The following CCDC85A variants were observed in gnomAD, a reference collection of about 807,000 sequenced individuals.
The protein encoded by CCDC85A is coiled-coil domain containing 85A, also known as coiled-coil domain-containing protein 85A.
A neutral mutation model predicts 50.2 loss-of-function variants in CCDC85A; 38 were observed. That is an observed-to-expected ratio of 0.76 (90% CI 0.58 to 0.99). The LOEUF (loss-of-function observed/expected upper bound fraction) is 0.99. CCDC85A is among the 50% of genes least tolerant of loss of function. CCDC85A has a pLI of 0.00. For missense variants in CCDC85A, 820 were observed against 742.0 expected, an observed-to-expected ratio of 1.11 and a Z score of -1.22; for synonymous variants, 366 against 301.4, an observed-to-expected ratio of 1.21 and a Z score of -2.22.
intron 2 of CCDC85A, among the ~76,000 whole-genome samples, chr2:56,260,393 T>C (rs1670168044): frequency 6.6e-6 from 1 of 152,198 alleles, no homozygotes; most frequent in Non-Finnish European, 1.5e-5. Context: ...AGTGTTCTTT[T>C]CAAGAAGATG....
chr2:56,279,400 T>G (rs187410561), intron 2 of CCDC85A, among the ~76,000 whole-genome samples: 2 of 152,208 alleles, frequency 1.3e-5, no homozygotes, highest in East Asian at 3.9e-4. Flanking sequence ...CCATAACCAT[T>G]AATAGTCATT....
rs75743618 is a variant in CCDC85A, at chr2:56,193,161, C to T, written c.961C>T (p.Arg321Trp). ...GAGCCCGGAACACTTCCAGAAGCAC[C>T]GGTCAGGGAGCAGCCCTGAACACGC... ...SGSPEHFQKH[R>W]SGSSPEHARH... is the part of the protein sequence containing the mutation. The change falls in exon 2 of 6, where the codon CGG becomes TGG. Residue 321 changes from arginine to tryptophan, a missense_variant. Coordinates refer to ENST00000407595, the MANE Select transcript of CCDC85A (RefSeq NM_001080433.2). 110,381 of 1,613,434 alleles carry T rather than the reference C, an allele frequency of 0.068. 4,377 individuals carry two copies. Among genetic ancestry groups the T allele is most frequent in the East Asian group, 0.17 (7,824 of 44,828 alleles).
Position 56,192,450 on chromosome 2 carries a change from C to T in CCDC85A, c.277-27C>T. On this transcript the variant is annotated intron_variant, in intron 1 of 5. Coordinates refer to ENST00000407595, the MANE Select transcript of CCDC85A (RefSeq NM_001080433.2). The surrounding 1 kb of genome is among the most constrained non-coding windows in gnomAD (Gnocchi z 4.7). ...GCTGACACCTCAGATGTGTACTTCCCTTGAATGGTTGTGTCTCTCTTTTCA... is the reference window on the plus strand; with the variant it reads ...GCTGACACCTCAGATGTGTACTTCCTTTGAATGGTTGTGTCTCTCTTTTCA... 6.3e-7 allele frequency: 1 copy of T among 1,581,750 alleles called. No homozygotes were observed. The highest frequency in any genetic ancestry group is 1.3e-5 in the African/African-American group (1 of 74,178).
At chr2:56,201,204 GT>G (rs554086576) in intron 2 of CCDC85A, among the ~76,000 whole-genome samples, 2 of 150,576 alleles carry the variant, frequency 1.3e-5, no homozygotes, top group African/African-American at 2.4e-5. Context: ...ATATTGAATG[GT>G]TTTTTTTATA....
intron 2 of CCDC85A, among the ~76,000 whole-genome samples, chr2:56,282,501 T>C (rs1041341818): frequency 2.6e-5 from 4 of 152,200 alleles, no homozygotes; most frequent in Non-Finnish European, 4.4e-5. Context: ...TCTCATTGAC[T>C]TTTCATTTAT....
intron 2 of CCDC85A, among the ~76,000 whole-genome samples, chr2:56,229,564 G>A (rs1259116380): frequency 6.6e-6 from 1 of 152,098 alleles, no homozygotes; most frequent in African/African-American, 2.4e-5. Flanking sequence ...AACTGAAAAC[G>A]AAAGGAGAGA....
At chr2:56,349,053 A>G (rs1003178008) in intron 3 of CCDC85A, among the ~76,000 whole-genome samples, 4 of 152,300 alleles carry the variant, frequency 2.6e-5, no homozygotes, top group Non-Finnish European at 4.4e-5. Flanking sequence ...ATTTGCATAG[A>G]AATTACCATT....
At chr2:56,325,773 A>G (rs973473567) in intron 2 of CCDC85A, among the ~76,000 whole-genome samples, 2 of 152,120 alleles carry the variant, frequency 1.3e-5, no homozygotes, top group African/African-American at 4.8e-5. Context: ...TGCACACTGC[A>G]TTGTGAGTGG....
At chr2:56,189,448 T>C (rs1676203556) in intron 1 of CCDC85A, among the ~76,000 whole-genome samples, 1 of 151,874 alleles carries the variant, frequency 6.6e-6, no homozygotes, top group South Asian at 2.1e-4. Context: ...CGTGTCACCA[T>C]GCTTGGCTAA....
chr2:56,312,261 G>A (rs1672730027), intron 2 of CCDC85A, among the ~76,000 whole-genome samples: 1 of 152,012 alleles, frequency 6.6e-6, no homozygotes, highest in South Asian at 2.1e-4. Flanking sequence ...GTGCCTGTTT[G>A]CACTCTAAAT....
At chr2:56,290,151 G>A (rs575316506) in intron 2 of CCDC85A, among the ~76,000 whole-genome samples, 1 of 152,234 alleles carries the variant, frequency 6.6e-6, no homozygotes, top group Admixed American at 6.5e-5. Context: ...CAATTGTAGT[G>A]AGTCCTCAAG....
intron 2 of CCDC85A, among the ~76,000 whole-genome samples, chr2:56,204,780 A>G (rs937278707): frequency 1.8e-4 from 28 of 152,314 alleles, no homozygotes; most frequent in African/African-American, 6.7e-4. Context: ...CCATTGTTCT[A>G]CCTTCTCTCT....
At chr2:56,331,597 T>A (rs9309275) in intron 2 of CCDC85A, among the ~76,000 whole-genome samples, 32,235 of 152,082 alleles carry the variant, frequency 0.21, 5,091 homozygotes, top group African/African-American at 0.44. Context: ...TTATGGTGAT[T>A]ATCTTCTGGT....
rs1178698898 is a variant in CCDC85A at position 56,385,214 on chromosome 2, A to G, written c.*859A>G. ...TTCGAGCTGTGAGATGTCAATTTCTACAATTTAGTTTCTAGACATGCTGTA... is the reference window on the plus strand; with the variant it reads ...TTCGAGCTGTGAGATGTCAATTTCTGCAATTTAGTTTCTAGACATGCTGTA... On this transcript the variant is annotated 3_prime_UTR_variant, in exon 6 of 6. Coordinates refer to ENST00000407595, the MANE Select transcript of CCDC85A (RefSeq NM_001080433.2). 6.6e-6 allele frequency: 1 copy of G among 152,298 alleles called. No individual in the cohort carries two copies. Among genetic ancestry groups the G allele is most frequent in the African/African-American group, 2.4e-5 (1 of 41,414 alleles). The allele number at this position is 152,298 out of a possible 1,614,324, so 9.4% of individuals were successfully genotyped here. A position where few individuals can be genotyped will look rare whatever the true frequency, so the allele number is the denominator to read the frequency against.
chr2:56,346,059 G>A (rs1339716699), intron 3 of CCDC85A, among the ~76,000 whole-genome samples: 1 of 152,142 alleles, frequency 6.6e-6, no homozygotes, highest in Non-Finnish European at 1.5e-5. Context: ...CACCTTTGCA[G>A]CTGTAGCCAG....
chr2:56,361,319 G>GCCAT (rs1292504389), intron 3 of CCDC85A, among the ~76,000 whole-genome samples: 1 of 151,984 alleles, frequency 6.6e-6, no homozygotes, highest in Non-Finnish European at 1.5e-5. Flanking sequence ...GCTAGCATTG[G>GCCAT]CCATTCATTT....
At chr2:56,223,812 GA>G (rs1179045473) in intron 2 of CCDC85A, among the ~76,000 whole-genome samples, 1 of 152,110 alleles carries the variant, frequency 6.6e-6, no homozygotes, top group Non-Finnish European at 1.5e-5. Flanking sequence ...TTGGAGATTT[GA>G]AAAGATATGA....
intron 2 of CCDC85A, among the ~76,000 whole-genome samples, chr2:56,332,448 T>C (rs1450040482): frequency 2.0e-5 from 3 of 152,226 alleles, no homozygotes; most frequent in Non-Finnish European, 4.4e-5. Flanking sequence ...AAAGGGATCT[T>C]TCAAGACTCT....
intron 2 of CCDC85A, among the ~76,000 whole-genome samples, chr2:56,222,522 T>C (rs147185441): frequency 1.3e-5 from 2 of 152,242 alleles, no homozygotes; most frequent in East Asian, 3.9e-4. Context: ...AATTTTTCAC[T>C]TTTATAGAAG....
Sources: allele counts gnomAD v4.1 joint callset (sites outside exome capture counted in the v4.1 genomes callset), GRCh38; gene constraint gnomAD v4.1.1; non-coding constraint Gnocchi (gnomAD v3.1); transcripts MANE v1.5; gene names NCBI Gene and HGNC (gene_info 2026-07-23, HGNC 2026-07-21).